Variants in RYR3 observed in about 807,000 individuals in gnomAD.
RYR3 encodes brain ryanodine receptor-calcium release channel.
RYR3 carries 207 observed loss-of-function variants against 584.3 expected under a neutral mutation model. That is an observed-to-expected ratio of 0.35 (90% CI 0.32 to 0.40). RYR3 has a LOEUF of 0.40. RYR3 is among the 10% of genes least tolerant of loss of function. RYR3 has a pLI of 1.00. For missense variants in RYR3, 5,616 were observed against 6,089.2 expected (o/e 0.92, Z 2.59); for synonymous variants, 2,416 against 2,248.5 (o/e 1.07, Z -2.11).
Position 33,530,723 on chromosome 15 carries a change from G to T in RYR3, c.354+57G>T. 4 of 1,264,490 alleles carry T rather than the reference G, an allele frequency of 3.2e-6. No individual in the cohort carries two copies. In the South Asian group the frequency reaches 4.9e-5, roughly 15 times the overall value. 78.3% of individuals were successfully genotyped at this position (1,264,490 alleles called of 1,614,324 possible). ...CAAGGAGAAGGAAAAACTGAAGAGG[G>T]GGAAATACAGGAAGCCAGCAATAAC... is the stretch of plus-strand genomic sequence containing the variant. On this transcript the variant is annotated intron_variant, in intron 4 of 103. Transcript: ENST00000634891.
At chr15:33,857,728 C>G in intron 98 of RYR3, 52 bp from the exon 99 acceptor site, 3 of 1,607,420 alleles carry the variant, frequency 1.9e-6, no homozygotes, top group Non-Finnish European at 2.6e-6. Context: ...GTGAACCTTT[C>G]AAGGTAGAGA....
chr15:33,520,798 A>T (rs767387413), intron 3 of RYR3, among the ~76,000 whole-genome samples: 3 of 152,194 alleles, frequency 2.0e-5, no homozygotes, highest in Non-Finnish European at 4.4e-5. Context: ...TGTATACAGG[A>T]TGACCCTGCC....
Position 33,864,119 on chromosome 15 carries a change from T to TATC in RYR3, c.14466-18_14466-16dup, listed in dbSNP as rs1889546051. 5 of 1,598,718 alleles carry TATC rather than the reference T, an allele frequency of 3.1e-6. No homozygotes were observed. In the Middle Eastern group the frequency reaches 5.0e-4, roughly 159 times the overall value. On this transcript the variant is annotated intron_variant, in intron 102 of 103. Coordinates refer to ENST00000634891, the MANE Select transcript of RYR3 (RefSeq NM_001036.6). ...GGGTCTTGACCAGAGTATCTAATAC[T>TATC]ATCTTTTCCTCGTTCCAGGTTCTTT...
intron 81 of RYR3, among the ~76,000 whole-genome samples, chr15:33,824,816 A>G (rs1162231437): frequency 6.6e-6 from 1 of 152,188 alleles, no homozygotes; most frequent in Admixed American, 6.5e-5. Context: ...ATGTTCTATG[A>G]AACCTTTCAG....
At position 33,844,997 on chromosome 15, in the gene RYR3, C is replaced by T. The variant is rs367769357; in HGVS notation, c.13432C>T (p.Arg4478Cys). 53 of 1,613,856 alleles carry T rather than the reference C, an allele frequency of 3.3e-5. No individual in the cohort carries two copies. Among genetic ancestry groups the T allele is most frequent in the Non-Finnish European group, 3.9e-5 (46 of 1,179,882 alleles). The change falls in exon 93 of 104, where the codon CGT becomes TGT. Residue 4478 changes from arginine (R) to cysteine (C), a missense_variant. Physicochemically the swap from Arg to Cys is radical, Grantham distance 180. Transcript: ENST00000634891. The part of the protein sequence containing the change: ...ESTGYMAPTL[R>C]ALAIIHTIIS... ...CACCGGGTATATGGCACCAACCCTG[C>T]GTGCCCTGGCCATCATCCATACCAT... is the stretch of plus-strand genomic sequence containing the variant.
At chr15:33,515,763 C>T (rs1420454288) in intron 3 of RYR3, among the ~76,000 whole-genome samples, 1 of 152,158 alleles carries the variant, frequency 6.6e-6, no homozygotes, top group African/African-American at 2.4e-5. Context: ...TGCAGGAATA[C>T]AAAACATTCT....
chr15:33,836,345 A>G (rs2078052881), intron 87 of RYR3, among the ~76,000 whole-genome samples: 1 of 152,058 alleles, frequency 6.6e-6, no homozygotes, highest in Non-Finnish European at 1.5e-5. Context: ...CTCTTCCTGC[A>G]TTGCTGAAAT....
chr15:33,397,924 A>C (rs556198476), intron 1 of RYR3, among the ~76,000 whole-genome samples: 2 of 152,292 alleles, frequency 1.3e-5, no homozygotes, highest in Admixed American at 6.5e-5. Flanking sequence ...CCAGAAATTC[A>C]GTTTTTTTCT....
At chr15:33,704,874 G>A (rs1022495123) in intron 42 of RYR3, among the ~76,000 whole-genome samples, 2 of 152,246 alleles carry the variant, frequency 1.3e-5, no homozygotes, top group South Asian at 2.1e-4. Flanking sequence ...TTGCCACACC[G>A]TTTTCAAGTA....
intron 38 of RYR3, among the ~76,000 whole-genome samples, chr15:33,688,903 C>G (rs2065208199): frequency 1.3e-5 from 2 of 152,058 alleles, no homozygotes; most frequent in Admixed American, 1.3e-4. Flanking sequence ...ATAAGTCATG[C>G]TACTATAAAG....
In RYR3 at chr15:33,845,003, C is replaced by G. The variant is rs1475380781; in HGVS notation, c.13438C>G (p.Leu4480Val). ...TGYMAPTLRALAIIHTIISLV... is the reference protein window; with the variant it reads ...TGYMAPTLRAVAIIHTIISLV... The stretch of plus-strand genomic sequence containing the variant: ...GTATATGGCACCAACCCTGCGTGCC[C>G]TGGCCATCATCCATACCATCATCTC... Residue 4480 changes from leucine (L) to valine (V), a missense_variant, in exon 93 of 104, where the codon CTG becomes GTG. Around this residue, in one of 9 missense-constraint regions of RYR3, gnomAD observed 918 missense variants for 887.4 expected, o/e 1.03. Coordinates refer to ENST00000634891, the MANE Select transcript of RYR3 (RefSeq NM_001036.6). The G allele has an allele frequency of 5.0e-6, 8 of 1,613,896 alleles. No individual in the cohort carries two copies. The Admixed American group carries it at 1.3e-4, about 27-fold the overall frequency.
chr15:33,456,150 G>A (rs1203255010), intron 1 of RYR3, among the ~76,000 whole-genome samples: 2 of 152,042 alleles, frequency 1.3e-5, no homozygotes, highest in Non-Finnish European at 1.5e-5. Context: ...TGTTTTTAGG[G>A]CTAGTCTGTC....
At chr15:33,345,300 C>G (rs1361925749) in intron 1 of RYR3, among the ~76,000 whole-genome samples, 1 of 152,118 alleles carries the variant, frequency 6.6e-6, no homozygotes, top group Non-Finnish European at 1.5e-5. Context: ...TTACAAAGGA[C>G]TATATAAGAT....
At chr15:33,825,057 G>A (rs1287057000) in intron 81 of RYR3, among the ~76,000 whole-genome samples, 5 of 152,104 alleles carry the variant, frequency 3.3e-5, no homozygotes, top group Non-Finnish European at 5.9e-5. Flanking sequence ...TGTGGAAAGC[G>A]GAACCTCAGC....
chr15:33,854,505 G>C (rs911604777), intron 97 of RYR3, 56 bp downstream of exon 97: 7 of 1,412,480 alleles, frequency 5.0e-6, no homozygotes, highest in Non-Finnish European at 5.8e-6. Flanking sequence ...GGATGCCACA[G>C]AGAAGCAAGC....
At chr15:33,533,186 A>G (rs2141073701) in intron 4 of RYR3, 125 bp from the exon 5 acceptor site, 1 of 632,718 alleles carries the variant, frequency 1.6e-6, no homozygotes, top group Non-Finnish European at 2.8e-6. Flanking sequence ...TTTCCAATGA[A>G]CAAGATAAAT....
In RYR3 at chr15:33,543,689, T is replaced by C. The variant is rs553057742; in HGVS notation, c.714T>C (p.Ser238=). The C allele has an allele frequency of 1.9e-6, 3 of 1,612,358 alleles. No individual in the cohort carries two copies. In the East Asian group the frequency reaches 6.7e-5, roughly 36 times the overall value. ...HGHDECLTIP[S]TDQNDSQHRR... is the part of the protein sequence containing the mutation. ...ATGATGAATGTTTGACGATACCATC[T>C]ACAGACCAGAATGATTCCCAGCACA... Residue 238 remains serine, a synonymous_variant, in exon 8 of 104, where the codon TCT becomes TCC. Transcript: ENST00000634891.
chr15:33,528,056 TGGA>T (rs2054543310), intron 3 of RYR3, among the ~76,000 whole-genome samples: 1 of 152,204 alleles, frequency 6.6e-6, no homozygotes. Flanking sequence ...AATGCTTTCA[TGGA>T]AACGGAATGA....
intron 1 of RYR3, among the ~76,000 whole-genome samples, chr15:33,468,692 G>C (rs564910632): frequency 6.6e-6 from 1 of 152,336 alleles, no homozygotes; most frequent in Admixed American, 6.5e-5. Flanking sequence ...ATTAAATAGG[G>C]TTGCAGTGTA....
Sources: allele counts gnomAD v4.1 joint callset (sites outside exome capture counted in the v4.1 genomes callset), GRCh38; gene constraint gnomAD v4.1.1; regional missense constraint gnomAD v4.1.1; transcripts MANE v1.5; gene names NCBI Gene and HGNC (gene_info 2026-07-23, HGNC 2026-07-21).